Variants in ROBO2 observed in about 807,000 individuals in gnomAD.
ROBO2 encodes the protein roundabout homolog 2.
ROBO2 carries 53 observed loss-of-function variants against 160.8 expected under a neutral mutation model. The ratio of observed to expected loss-of-function variants is 0.33; its 90% confidence interval spans 0.26 to 0.41. ROBO2 has a LOEUF of 0.41. ROBO2 is among the 10% of genes least tolerant of loss of function. The pLI is 1.00. For missense variants in ROBO2, 1,577 were observed against 1,722.4 expected, an observed-to-expected ratio of 0.92 and a Z score of 1.49; for synonymous variants, 664 against 611.7, an observed-to-expected ratio of 1.09 and a Z score of -1.26.
At chr3:76,475,517 T>C (rs896817367) in intron 2 of ROBO2, among the ~76,000 whole-genome samples, 5 of 151,874 alleles carry the variant, frequency 3.3e-5, no homozygotes, top group Non-Finnish European at 4.4e-5. Context: ...GCCAATGAGG[T>C]TTGGAACCTT....
intron 2 of ROBO2, among the ~76,000 whole-genome samples, chr3:76,009,798 C>T (rs1186897218): frequency 6.6e-6 from 1 of 152,160 alleles, no homozygotes; most frequent in East Asian, 1.9e-4. Context: ...TAAAGGTTGG[C>T]ATGTAAGAAG....
chr3:77,244,071 A>G (rs1195846883), intron 2 of ROBO2, among the ~76,000 whole-genome samples: 1 of 152,244 alleles, frequency 6.6e-6, no homozygotes, highest in African/African-American at 2.4e-5. Context: ...GAGAAACAGT[A>G]GTGACTGTAT....
At chr3:76,357,701 C>A (rs541789269) in intron 2 of ROBO2, among the ~76,000 whole-genome samples, 1 of 151,636 alleles carries the variant, frequency 6.6e-6, no homozygotes, top group Non-Finnish European at 1.5e-5. Flanking sequence ...GGATTATGAA[C>A]GAAGATATCT....
At chr3:76,483,195 A>AT (rs1218938218) in intron 2 of ROBO2, among the ~76,000 whole-genome samples, 5 of 151,866 alleles carry the variant, frequency 3.3e-5, no homozygotes, top group African/African-American at 7.3e-5. Context: ...TTTTGGAGAT[A>AT]TTTTTTCTAA....
intron 2 of ROBO2, among the ~76,000 whole-genome samples, chr3:77,433,316 A>G (rs2078964879): frequency 1.3e-5 from 2 of 151,644 alleles, no homozygotes; most frequent in Non-Finnish European, 2.9e-5. Context: ...AGAGTTAACC[A>G]TAAAGTAGCT....
intron 2 of ROBO2, among the ~76,000 whole-genome samples, chr3:77,357,583 T>C (rs2069317502): frequency 6.6e-6 from 1 of 152,188 alleles, no homozygotes; most frequent in Admixed American, 6.5e-5. Context: ...GCCTGTATCA[T>C]AGATGTAGAA....
At chr3:77,012,213 C>A (rs974022308) in intron 2 of ROBO2, among the ~76,000 whole-genome samples, 2 of 152,214 alleles carry the variant, frequency 1.3e-5, no homozygotes, top group Admixed American at 6.5e-5. Flanking sequence ...TTTCTGTTCT[C>A]TTGGCTCCAC....
At chr3:77,035,448 A>G, upstream of ROBO2, among the ~76,000 whole-genome samples, 1 of 151,772 alleles carries the variant, frequency 6.6e-6, no homozygotes, top group African/African-American at 2.4e-5. Context: ...GATTTTCCAA[A>G]TAGATTTTGG....
intron 2 of ROBO2, among the ~76,000 whole-genome samples, chr3:77,320,437 G>A (rs141800888): frequency 1.4e-4 from 21 of 152,158 alleles, no homozygotes; most frequent in Middle Eastern, 3.4e-3. Context: ...CGCTGCTTCT[G>A]TCTTTGCCTC....
rs1029477375 is a variant in ROBO2, at chr3:76,348,068, A to C, written c.109+410466A>C. Among the ~76,000 whole-genome samples the C allele has an allele frequency of 1.5e-4, 23 of 150,874 alleles. No homozygotes were observed. In the Admixed American group the frequency reaches 1.6e-3, roughly 10 times the overall value. On this transcript the variant is annotated intron_variant, in intron 2 of 26. Transcript: ENST00000487694. ...CAAGCACTATCCGCCATCATTCCACAGTCTCACACAGTCAGTATCAGTCTT... is the reference window on the plus strand; with the variant it reads ...CAAGCACTATCCGCCATCATTCCACCGTCTCACACAGTCAGTATCAGTCTT...
chr3:77,106,705 G>A, intron 2 of ROBO2, among the ~76,000 whole-genome samples: 1 of 152,170 alleles, frequency 6.6e-6, no homozygotes, highest in East Asian at 1.9e-4. Context: ...AGGTTCAATA[G>A]TATTAAGATA....
intron 2 of ROBO2, among the ~76,000 whole-genome samples, chr3:76,165,935 G>C (rs933994428): frequency 6.6e-6 from 1 of 152,110 alleles, no homozygotes; most frequent in African/African-American, 2.4e-5. Flanking sequence ...CATTCATCAA[G>C]TTTGCTGTCT....
chr3:76,476,839 A>G (rs2078956219), intron 2 of ROBO2, among the ~76,000 whole-genome samples: 1 of 123,990 alleles, frequency 8.1e-6, no homozygotes, highest in South Asian at 2.6e-4. Context: ...TTGGGAAAAA[A>G]TGGAAAAAAA....
intron 2 of ROBO2, among the ~76,000 whole-genome samples, chr3:76,256,719 C>T (rs1358782443): frequency 1.3e-5 from 2 of 151,802 alleles, no homozygotes; most frequent in Non-Finnish European, 2.9e-5. Context: ...TTGTGTTAGG[C>T]CACTCTTGCA....
intron 2 of ROBO2, among the ~76,000 whole-genome samples, chr3:77,006,115 A>G (rs1274151616): frequency 3.3e-5 from 5 of 151,932 alleles, no homozygotes; most frequent in Non-Finnish European, 7.4e-5. Flanking sequence ...AGTCACTTCT[A>G]TAGTCATTCA....
chr3:77,457,377 T>C (rs888607186), intron 2 of ROBO2, among the ~76,000 whole-genome samples: 1 of 152,198 alleles, frequency 6.6e-6, no homozygotes, highest in Non-Finnish European at 1.5e-5. Flanking sequence ...AAGCACCTAG[T>C]GTAATAAATG....
chr3:77,255,310 A>T (rs1326332347), intron 2 of ROBO2, among the ~76,000 whole-genome samples: 2 of 152,224 alleles, frequency 1.3e-5, no homozygotes, highest in South Asian at 4.1e-4. Flanking sequence ...TAAAATCAGC[A>T]TTCTGTAAAG....
intron 2 of ROBO2, among the ~76,000 whole-genome samples, chr3:76,872,926 G>A (rs2072271661): frequency 6.6e-6 from 1 of 152,036 alleles, no homozygotes. Context: ...GAAACATGAA[G>A]ATCTTAAATG....
At chr3:76,971,252 C>G (rs2094325075) in intron 2 of ROBO2, among the ~76,000 whole-genome samples, 1 of 152,118 alleles carries the variant, frequency 6.6e-6, no homozygotes, top group African/African-American at 2.4e-5. Context: ...ATATCCCTGC[C>G]TCTGACACTA....
Sources: gnomAD v4.1 joint callset for allele counts (sites outside exome capture counted in the v4.1 genomes callset) on GRCh38, gnomAD v4.1.1 for gene constraint, MANE v1.5 for transcripts, NCBI Gene and HGNC (gene_info 2026-07-23, HGNC 2026-07-21) for gene names.